SETBP1: variants seen among roughly 807,000 people sequenced by gnomAD.
SETBP1 encodes SET-binding protein.
Under a neutral mutation model 101.0 loss-of-function variants are expected in SETBP1, and 9 were observed. That is an observed-to-expected ratio of 0.09 (90% CI 0.05 to 0.16). The LOEUF (loss-of-function observed/expected upper bound fraction) is 0.16, where lower values mean the gene tolerates loss of function less well. SETBP1 is among the 10% of genes least tolerant of loss of function. The pLI, the probability that SETBP1 is intolerant of heterozygous loss-of-function variation, is 1.00. For missense variants in SETBP1, 1,858 were observed against 2,033.8 expected (o/e 0.91, Z 1.66); for synonymous variants, 818 against 788.5 (o/e 1.04, Z -0.63).
intron 2 of SETBP1, among the ~76,000 whole-genome samples, chr18:44,712,526 T>C (rs1318098269): frequency 6.6e-6 from 1 of 152,180 alleles, no homozygotes; most frequent in Non-Finnish European, 1.5e-5. Context: ...ATGGGTTTTG[T>C]AGTATACAGT....
chr18:44,910,712 T>C (rs2070287494), intron 3 of SETBP1, among the ~76,000 whole-genome samples: 1 of 152,186 alleles, frequency 6.6e-6, no homozygotes, highest in Non-Finnish European at 1.5e-5. Context: ...GTTTTATCTA[T>C]TTTACTTTGT....
chr18:44,845,792 T>A (rs2072712554), intron 2 of SETBP1, among the ~76,000 whole-genome samples: 1 of 152,178 alleles, frequency 6.6e-6, no homozygotes, highest in Non-Finnish European at 1.5e-5. Flanking sequence ...AATTACCACC[T>A]ACCCTGCACT....
chr18:44,747,215 TC>T (rs2070275253), intron 2 of SETBP1, among the ~76,000 whole-genome samples: 1 of 152,210 alleles, frequency 6.6e-6, no homozygotes, highest in Admixed American at 6.5e-5. Context: ...AGGGATACCT[TC>T]ATGACCCCCA....
At position 45,066,572 on chromosome 18, in the gene SETBP1, A is replaced by T. The variant is rs1336453746; in HGVS notation, c.*2874A>T. ...ACTCAGCTCAGCCGTGGGCCAATGC[A>T]GCTTACAGACGGTTGCAGAGCTAGG... is the stretch of plus-strand genomic sequence containing the variant. On this transcript the variant is annotated 3_prime_UTR_variant, in exon 6 of 6. Transcript: ENST00000649279. The T allele has an allele frequency of 6.6e-6, 1 of 152,014 alleles. No homozygotes were observed. The highest frequency in any genetic ancestry group is 1.5e-5 in the Non-Finnish European group (1 of 68,094). 9.4% of individuals were successfully genotyped at this position (152,014 alleles called of 1,614,324 possible). A position where few individuals can be genotyped will look rare whatever the true frequency, so the allele number is the denominator to read the frequency against.
Position 45,063,777 on chromosome 18 carries a change from C to T in SETBP1, c.*79C>T. 6.7e-7 allele frequency: 1 copy of T among 1,484,762 alleles called. No homozygotes were observed. The highest frequency in any genetic ancestry group is 9.1e-7 in the Non-Finnish European group (1 of 1,096,352). The allele number at this position is 1,484,762 out of a possible 1,614,324, so 92.0% of individuals were successfully genotyped here. ...CAGTGAGCCGGGGCGGGGGCGGAAT[C>T]CCCCGCTGCAGGGACACCCACGCCC... On this transcript the variant is annotated 3_prime_UTR_variant, in exon 6 of 6. Transcript: ENST00000649279.
At chr18:44,731,557 T>A (rs745456960) in intron 2 of SETBP1, among the ~76,000 whole-genome samples, 2 of 152,072 alleles carry the variant, frequency 1.3e-5, no homozygotes, top group Non-Finnish European at 2.9e-5. Flanking sequence ...GTCATGATAG[T>A]TTTATATTTT....
At chr18:44,705,726 T>A (rs563545309) in intron 2 of SETBP1, among the ~76,000 whole-genome samples, 9 of 152,200 alleles carry the variant, frequency 5.9e-5, no homozygotes, top group Non-Finnish European at 1.2e-4. Context: ...TTAACTCTAG[T>A]TATACATGGT....
chr18:44,983,529 C>T (rs1298358685), intron 4 of SETBP1, among the ~76,000 whole-genome samples: 1 of 152,162 alleles, frequency 6.6e-6, no homozygotes, highest in Non-Finnish European at 1.5e-5. Flanking sequence ...AATTCCAGAG[C>T]CCATACTCCT....
chr18:44,787,512 G>A (rs535017850), intron 2 of SETBP1, among the ~76,000 whole-genome samples: 109 of 152,238 alleles, frequency 7.2e-4, no homozygotes, highest in Non-Finnish European at 1.1e-3. Flanking sequence ...GTTTCTTGGG[G>A]AAGTCAATTA....
chr18:44,740,354 G>A (rs190786903), intron 2 of SETBP1, among the ~76,000 whole-genome samples: 1 of 152,320 alleles, frequency 6.6e-6, no homozygotes, highest in East Asian at 1.9e-4. Flanking sequence ...CAGCAAGAAA[G>A]TGGTTATCAG....
At chr18:44,680,623 G>C (rs1054496685), upstream of SETBP1, among the ~76,000 whole-genome samples, 2 of 152,178 alleles carry the variant, frequency 1.3e-5, no homozygotes, top group African/African-American at 4.8e-5. Flanking sequence ...CGATTCCGGC[G>C]GGCCGGCGGG....
At chr18:44,976,813 A>G (rs947453219) in intron 4 of SETBP1, among the ~76,000 whole-genome samples, 1 of 152,228 alleles carries the variant, frequency 6.6e-6, no homozygotes, top group African/African-American at 2.4e-5. Flanking sequence ...TAAAGGAGTG[A>G]CTTCATAGAA....
At chr18:45,052,256 A>G (rs1029176552) in intron 5 of SETBP1, among the ~76,000 whole-genome samples, 7 of 152,276 alleles carry the variant, frequency 4.6e-5, no homozygotes, top group African/African-American at 7.2e-5. Flanking sequence ...GTGAAGTGCC[A>G]TCAGAGAGAT....
At chr18:44,925,216 T>G (rs1040199326) in intron 3 of SETBP1, among the ~76,000 whole-genome samples, 9 of 150,280 alleles carry the variant, frequency 6.0e-5, no homozygotes, top group Admixed American at 2.0e-4. Context: ...AAAATGTATG[T>G]TTTTTTTTCA....
chr18:45,028,437 T>C (rs2073217864), intron 4 of SETBP1, among the ~76,000 whole-genome samples: 1 of 152,120 alleles, frequency 6.6e-6, no homozygotes, highest in African/African-American at 2.4e-5. Context: ...TGGTTCCAAG[T>C]CTTTGCTGTT....
intron 2 of SETBP1, among the ~76,000 whole-genome samples, chr18:44,864,737 A>G (rs1171112212): frequency 6.6e-6 from 1 of 152,036 alleles, no homozygotes; most frequent in Non-Finnish European, 1.5e-5. Flanking sequence ...GCGGACATTT[A>G]GCCATCCTGG....
At chr18:44,708,166 G>A (rs538010035) in intron 2 of SETBP1, among the ~76,000 whole-genome samples, 3 of 152,298 alleles carry the variant, frequency 2.0e-5, no homozygotes, top group Admixed American at 2.0e-4. Context: ...ACAAGTGGGT[G>A]GCTCAGAGAG....
chr18:44,710,389 C>A (rs1486096024), intron 2 of SETBP1, among the ~76,000 whole-genome samples: 1 of 151,240 alleles, frequency 6.6e-6, no homozygotes, highest in Non-Finnish European at 1.5e-5. Flanking sequence ...GGTTCAGGTT[C>A]CTGATAACAT....
chr18:44,899,397 T>G (rs528536006), intron 3 of SETBP1, among the ~76,000 whole-genome samples: 1 of 152,276 alleles, frequency 6.6e-6, no homozygotes, highest in South Asian at 2.1e-4. Context: ...TCCTGGTGAT[T>G]TAACAAGAAA....
Sources: gnomAD v4.1 joint callset for allele counts (sites outside exome capture counted in the v4.1 genomes callset) on GRCh38, gnomAD v4.1.1 for gene constraint, MANE v1.5 for transcripts, NCBI Gene and HGNC (gene_info 2026-07-23, HGNC 2026-07-21) for gene names.